CLEC12A: variants seen among roughly 807,000 people sequenced by gnomAD.
CLEC12A encodes C-type lectin domain family 12 member A, also known as C-type lectin protein CLL-1.
CLEC12A carries 22 observed loss-of-function variants against 26.5 expected under a neutral mutation model. That is an observed-to-expected ratio of 0.83 (90% CI 0.59 to 1.19). The LOEUF is 1.19. Among genes scored for constraint, CLEC12A ranks in the 50% most tolerant of loss-of-function variants. The pLI is 0.00. For missense variants in CLEC12A, 353 were observed against 315.6 expected, an observed-to-expected ratio of 1.12 and a Z score of -0.90; for synonymous variants, 119 against 101.9, an observed-to-expected ratio of 1.17 and a Z score of -1.01.
chr12:9,963,316 CTT>C (rs1565548720), intron 1 of CLEC12A, among the ~76,000 whole-genome samples: 3 of 151,802 alleles, frequency 2.0e-5, no homozygotes, highest in Non-Finnish European at 4.4e-5. Flanking sequence ...AAACAACACT[CTT>C]CATTTAAGAA....
intron 1 of CLEC12A, among the ~76,000 whole-genome samples, chr12:9,974,810 C>A (rs1015644027): frequency 3.3e-5 from 5 of 152,068 alleles, no homozygotes; most frequent in African/African-American, 1.2e-4. Context: ...GAATTCAAAC[C>A]AAAACATACT....
intron 1 of CLEC12A, among the ~76,000 whole-genome samples, chr12:9,963,181 T>C (rs1863868325): frequency 6.6e-6 from 1 of 152,164 alleles, no homozygotes; most frequent in African/African-American, 2.4e-5. Context: ...TGGGAGGACC[T>C]AGGACATCTA....
chr12:9,979,641 A>T (rs932569049), intron 3 of CLEC12A, 117 bp downstream of exon 3: 27 of 729,956 alleles, frequency 3.7e-5, no homozygotes, highest in Non-Finnish European at 5.4e-5. Flanking sequence ...AATTTGGGGG[A>T]AAGAATTACA....
chr12:9,998,654 G>C (rs201328176), downstream of CLEC12A, among the ~76,000 whole-genome samples: 1 of 49,272 alleles, frequency 2.0e-5, no homozygotes, highest in African/African-American at 7.6e-5. Flanking sequence ...TTTTTGTTTT[G>C]TTTTGTTTTG....
At chr12:9,991,180 C>T (rs1011562579) in intron 4 of CLEC12A, 1 of 152,080 alleles carries the variant, frequency 6.6e-6, no homozygotes, top group South Asian at 2.1e-4. Context: ...TTGAAGAAGA[C>T]AGAAGTCAAA....
At chr12:9,971,006 G>A (rs985513931), upstream of CLEC12A, among the ~76,000 whole-genome samples, 11 of 152,072 alleles carry the variant, frequency 7.2e-5, no homozygotes, top group African/African-American at 2.4e-4. Flanking sequence ...ACATGGCAAC[G>A]GAATGACACT....
At chr12:10,000,464 T>C (rs4764180), downstream of CLEC12A, among the ~76,000 whole-genome samples, 2 of 151,998 alleles carry the variant, frequency 1.3e-5, no homozygotes, top group Non-Finnish European at 1.5e-5. Flanking sequence ...AAACTTAGTA[T>C]GATTCAAATA....
chr12:9,953,618 C>T (rs1272442851), intron 1 of CLEC12A, among the ~76,000 whole-genome samples: 3 of 149,738 alleles, frequency 2.0e-5, no homozygotes, highest in African/African-American at 2.4e-5. Context: ...GCCAGCCGCC[C>T]CGTCCGGGAG....
At chr12:9,982,989 T>G (rs1449886562) in intron 5 of CLEC12A, among the ~76,000 whole-genome samples, 1 of 152,156 alleles carries the variant, frequency 6.6e-6, no homozygotes, top group Non-Finnish European at 1.5e-5. Context: ...TATACTTGAG[T>G]AGTATTTCAT....
At chr12:9,996,541 G>C (rs1322763990), downstream of CLEC12A, among the ~76,000 whole-genome samples, 1 of 152,086 alleles carries the variant, frequency 6.6e-6, no homozygotes, top group East Asian at 1.9e-4. Context: ...CAGCAAGTTA[G>C]AACAACAGAG....
chr12:9,979,358 A>G lies in CLEC12A; in HGVS notation c.213A>G (p.Glu71=). ...ASMFHVTLKI[E]MKKMNKLQNI... is the part of the protein sequence containing the mutation. ...GAGTTCACGTAACTTTGAAGATAGA[A>G]ATGAAAAAAATGAACAAACTACAAA... Residue 71 remains glutamate (E), a synonymous_variant, in exon 3 of 6, where the codon GAA becomes GAG. Coordinates refer to ENST00000304361, the MANE Select transcript of CLEC12A (RefSeq NM_138337.6). 1 of 1,596,992 alleles carries G rather than the reference A, an allele frequency of 6.3e-7. No individual in the cohort carries two copies. The highest frequency in any genetic ancestry group is 8.5e-7 in the Non-Finnish European group (1 of 1,170,944).
upstream of CLEC12A, among the ~76,000 whole-genome samples, chr12:9,969,399 A>T (rs1270707620): frequency 3.3e-5 from 5 of 152,180 alleles, no homozygotes; most frequent in African/African-American, 1.2e-4. Flanking sequence ...CAAAATTTTT[A>T]AAAAACTGAT....
chr12:9,997,268 G>A (rs1466367247), downstream of CLEC12A: 5 of 1,610,678 alleles, frequency 3.1e-6, no homozygotes, highest in East Asian at 2.2e-5. Context: ...AGGTAATTGC[G>A]CTGCATGACA....
intron 1 of CLEC12A, chr12:9,951,725 G>A (rs768949411): frequency 1.0e-5 from 3 of 290,700 alleles, no homozygotes; most frequent in Non-Finnish European, 2.0e-5. Context: ...TTGTTTGTGT[G>A]TTGATGTAGT....
chr12:9,985,782 T>C (rs1864750915), downstream of CLEC12A: 2 of 265,388 alleles, frequency 7.5e-6, no homozygotes, highest in African/African-American at 2.2e-5. Context: ...TGTTACAAGG[T>C]ATTTTTTATC....
At chr12:9,955,232 G>A (rs56388724) in intron 1 of CLEC12A, among the ~76,000 whole-genome samples, 4,228 of 151,944 alleles carry the variant, frequency 0.028, 200 homozygotes, top group African/African-American at 0.096. Flanking sequence ...GACCACAGGC[G>A]CCCGCCACCA....
intron 1 of CLEC12A, among the ~76,000 whole-genome samples, chr12:9,975,291 G>C (rs1351509595): frequency 6.6e-6 from 1 of 152,184 alleles, no homozygotes; most frequent in Non-Finnish European, 1.5e-5. Flanking sequence ...CTCAGAAGAA[G>C]ACAGAAAAAT....
chr12:9,952,249 T>G (rs1409229088), intron 1 of CLEC12A, among the ~76,000 whole-genome samples: 1 of 147,852 alleles, frequency 6.8e-6, no homozygotes, highest in Non-Finnish European at 1.5e-5. Flanking sequence ...GAAGCTGGAC[T>G]GTACTGCTGC....
At chr12:9,974,672 T>C (rs1250269052) in intron 1 of CLEC12A, among the ~76,000 whole-genome samples, 1 of 152,234 alleles carries the variant, frequency 6.6e-6, no homozygotes, top group African/African-American at 2.4e-5. Context: ...TATTAAATTA[T>C]TTAGTGTCTG....
Sources: allele counts gnomAD v4.1 joint callset (sites outside exome capture counted in the v4.1 genomes callset), GRCh38; gene constraint gnomAD v4.1.1; transcripts MANE v1.5; gene names NCBI Gene and HGNC (gene_info 2026-07-23, HGNC 2026-07-21).